The following PCDHGB3 variants were observed in gnomAD, a reference collection of about 807,000 sequenced individuals.
The protein encoded by PCDHGB3 is protocadherin gamma subfamily B, 3.
A neutral mutation model predicts 59.2 loss-of-function variants in PCDHGB3; 40 were observed. The ratio of observed to expected loss-of-function variants is 0.68; its 90% CI spans 0.52 to 0.88. PCDHGB3 has a LOEUF of 0.88. Ranked by LOEUF, PCDHGB3 falls within the 40% of genes least tolerant of loss-of-function variation. The pLI, the probability that PCDHGB3 is intolerant of heterozygous loss-of-function variation, is 0.00. For missense variants in PCDHGB3, 1,309 were observed against 1,187.9 expected (o/e 1.10, Z -1.50); for synonymous variants, 581 against 503.6 (o/e 1.15, Z -2.06).
intron 1 of PCDHGB3, chr5:141,404,679 A>G: frequency 6.2e-7 from 1 of 1,614,096 alleles, no homozygotes; most frequent in Admixed American, 1.7e-5. Flanking sequence ...ACTGGTGTGG[A>G]GCTGGCACCC....
intron 1 of PCDHGB3, among the ~76,000 whole-genome samples, chr5:141,401,278 G>T (rs1355696847): frequency 6.6e-6 from 1 of 152,160 alleles, no homozygotes; most frequent in Non-Finnish European, 1.5e-5. Context: ...GCAGGTGGAG[G>T]TTGCGGTGAG....
chr5:141,444,947 C>G (rs2098452252), intron 1 of PCDHGB3, among the ~76,000 whole-genome samples: 1 of 152,054 alleles, frequency 6.6e-6, no homozygotes, highest in Non-Finnish European at 1.5e-5. Context: ...GGAGGAGGAT[C>G]ATCTTAACAA....
At chr5:141,405,804 C>T (rs1277295024) in intron 1 of PCDHGB3, among the ~76,000 whole-genome samples, 1 of 146,338 alleles carries the variant, frequency 6.8e-6, no homozygotes, top group Non-Finnish European at 1.5e-5. Context: ...AGTTAGCTTT[C>T]TCTTTAACTG....
At chr5:141,392,891 C>T in intron 1 of PCDHGB3, 1 of 1,613,594 alleles carries the variant, frequency 6.2e-7, no homozygotes. Flanking sequence ...TGTGGGAAAT[C>T]GGGAGGGGAC....
At chr5:141,455,160 G>GT (rs59530096) in intron 1 of PCDHGB3, among the ~76,000 whole-genome samples, 26,536 of 149,098 alleles carry the variant, frequency 0.18, 2,386 homozygotes, top group South Asian at 0.23. Flanking sequence ...TAGTTTGTTG[G>GT]TTTTTTTTTT....
intron 1 of PCDHGB3, chr5:141,399,178 A>T: frequency 6.2e-7 from 1 of 1,613,892 alleles, no homozygotes; most frequent in Admixed American, 1.7e-5. Flanking sequence ...TCTACTTGAA[A>T]TGATTCTGGA....
Position 141,477,016 on chromosome 5 carries a change from A to G in PCDHGB3, c.2416-17791A>G, listed in dbSNP as rs2099403497. Reference sequence around the variant, plus strand: ...GGCAACTATTCGCCTTAGACCTTGTAACCGGGATGCTGACAATCAAGGGTC... The same window carrying G: ...GGCAACTATTCGCCTTAGACCTTGTGACCGGGATGCTGACAATCAAGGGTC... On this transcript the variant is annotated intron_variant, in intron 1 of 3. Transcript: ENST00000576222. The surrounding 1 kb of genome is among the most constrained non-coding windows in gnomAD (Gnocchi z 4.9). 4.3e-6 allele frequency: 7 copies of G among 1,614,130 alleles called. No homozygotes were observed. The highest frequency in any genetic ancestry group is 5.9e-6 in the Non-Finnish European group (7 of 1,180,050).
intron 1 of PCDHGB3, among the ~76,000 whole-genome samples, chr5:141,379,889 C>CTTTTTTTTTTTTTTGTTTTTTTTT (rs1775951854): frequency 2.0e-5 from 1 of 50,832 alleles, no homozygotes; most frequent in Non-Finnish European, 3.9e-5. Flanking sequence ...GTGAAAGCCT[C>CTTTTTTTTTTTTTTGTTTTTTTTT]TTTTTTTTTT....
At chr5:141,471,504 G>A (rs1487198851) in intron 1 of PCDHGB3, 1 of 152,214 alleles carries the variant, frequency 6.6e-6, no homozygotes, top group Non-Finnish European at 1.5e-5. Flanking sequence ...ATGCAAGAGA[G>A]GGAGTAAAAA....
At chr5:141,450,957 T>G (rs2154563418) in intron 1 of PCDHGB3, among the ~76,000 whole-genome samples, 1 of 152,010 alleles carries the variant, frequency 6.6e-6, no homozygotes, top group Non-Finnish European at 1.5e-5. Context: ...CCCAAGTAGC[T>G]GGGATTACAG....
At position 141,392,949 on chromosome 5, in the gene PCDHGB3, G is replaced by A. The variant is rs747367099; in HGVS notation, c.2415+20140G>A. On this transcript the variant is annotated intron_variant, in intron 1 of 3. Transcript: ENST00000576222. ...AGAGACGGACAAAGGCTCCTTCGTG[G>A]GTAATATCTCCAAGGACCTGGGGCT... The A allele has an allele frequency of 5.6e-6, 9 of 1,613,906 alleles. No homozygotes were observed. In the South Asian group the frequency reaches 8.8e-5, roughly 16 times the overall value.
chr5:141,384,284 C>T (rs1588966005), intron 1 of PCDHGB3: 1 of 1,613,854 alleles, frequency 6.2e-7, no homozygotes. Context: ...GTCTACATCG[C>T]TGAGAACAAC....
At chr5:141,460,951 G>GTATATATATA (rs200454978) in intron 1 of PCDHGB3, among the ~76,000 whole-genome samples, 1 of 139,722 alleles carries the variant, frequency 7.2e-6, no homozygotes, top group African/African-American at 2.8e-5. Context: ...TATGTATTAT[G>GTATATATATA]TATATATATA....
chr5:141,375,428 C>T, intron 1 of PCDHGB3: 1 of 1,613,984 alleles, frequency 6.2e-7, no homozygotes, highest in Non-Finnish European at 8.5e-7. Flanking sequence ...CAACGACAAC[C>T]CGCCCACCTT....
intron 1 of PCDHGB3, chr5:141,383,042 T>C (rs1397489820): frequency 6.2e-7 from 1 of 1,613,842 alleles, no homozygotes; most frequent in Non-Finnish European, 8.5e-7. Flanking sequence ...GTGGGAGACA[T>C]CGCCAAGGAC....
intron 1 of PCDHGB3, among the ~76,000 whole-genome samples, chr5:141,484,419 A>G (rs978469951): frequency 1.3e-5 from 2 of 152,206 alleles, no homozygotes; most frequent in Non-Finnish European, 2.9e-5. Flanking sequence ...TCCTGTTACA[A>G]TGAGAACATG....
chr5:141,488,985 C>G lies in PCDHGB3; in HGVS notation c.2416-5822C>G, dbSNP rs574857958. On this transcript the variant is annotated intron_variant, in intron 1 of 3. Transcript: ENST00000576222. ...ACTTTTTGGCCAATCAGACTCAGAG[C>G]TGAGGTGGGAGATCTGCTCTTCCAG... The G allele has an allele frequency of 7.4e-6, 3 of 405,188 alleles. No homozygotes were observed. In the South Asian group the frequency reaches 2.4e-4, roughly 32 times the overall value. The allele number at this position is 405,188 out of a possible 1,614,324, so 25.1% of individuals were successfully genotyped here.
chr5:141,422,909 C>T (rs1260941191), intron 1 of PCDHGB3: 1 of 1,614,252 alleles, frequency 6.2e-7, no homozygotes, highest in East Asian at 2.2e-5. Flanking sequence ...GACAATGCGC[C>T]CGAGATCCTG....
In PCDHGB3 at chr5:141,477,815, G is replaced by C; in HGVS notation, c.2416-16992G>C. On this transcript the variant is annotated intron_variant, in intron 1 of 3. Coordinates refer to ENST00000576222, the MANE Select transcript of PCDHGB3 (RefSeq NM_018924.5). The surrounding 1 kb of genome is among the most constrained non-coding windows in gnomAD (Gnocchi z 4.9). ...TGATCGCAATGACAATGCCCCCCAG[G>C]TCCTATATCCTCGGCCAGGTGGGAG... 1 of 1,614,106 alleles carries C rather than the reference G, an allele frequency of 6.2e-7. No homozygotes were observed. Among genetic ancestry groups the C allele is most frequent in the Non-Finnish European group, 8.5e-7 (1 of 1,180,034 alleles).
Sources: gnomAD v4.1 joint callset for allele counts (sites outside exome capture counted in the v4.1 genomes callset) on GRCh38, gnomAD v4.1.1 for gene constraint, Gnocchi (gnomAD v3.1) non-coding constraint, MANE v1.5 for transcripts, NCBI Gene and HGNC (gene_info 2026-07-23, HGNC 2026-07-21) for gene names.